GABRG3: variants seen among roughly 807,000 people sequenced by gnomAD.
GABRG3 encodes gamma-aminobutyric acid type A receptor subunit gamma3.
A neutral mutation model predicts 48.8 loss-of-function variants in GABRG3; 25 were observed. That is an observed-to-expected ratio of 0.51 (90% CI 0.37 to 0.72). The LOEUF is 0.72. Ranked by LOEUF, GABRG3 falls within the 30% of genes least tolerant of loss-of-function variation. The pLI, the probability that GABRG3 is intolerant of heterozygous loss-of-function variation, is 0.00. For missense variants in GABRG3, 394 were observed against 577.9 expected (o/e 0.68, Z 3.26); for synonymous variants, 227 against 217.6 (o/e 1.04, Z -0.38).
chr15:27,259,280 C>G (rs1204146893), intron 3 of GABRG3, among the ~76,000 whole-genome samples: 1 of 152,086 alleles, frequency 6.6e-6, no homozygotes, highest in Non-Finnish European at 1.5e-5. Flanking sequence ...GGTGACTACT[C>G]AGCCTATCAG....
chr15:27,528,994 A>C (rs75090774), intron 9 of GABRG3, among the ~76,000 whole-genome samples: 1,898 of 152,228 alleles, frequency 0.012, 54 homozygotes, highest in African/African-American at 0.044. Context: ...TCATGTGGTC[A>C]AATCTGTTAG....
intron 3 of GABRG3, among the ~76,000 whole-genome samples, chr15:27,081,459 A>C (rs1268534263): frequency 6.6e-6 from 1 of 152,140 alleles, no homozygotes; most frequent in Non-Finnish European, 1.5e-5. Flanking sequence ...ATTGAATATT[A>C]TTAAATATTC....
At chr15:27,147,321 T>G (rs547576487) in intron 3 of GABRG3, among the ~76,000 whole-genome samples, 34 of 152,080 alleles carry the variant, frequency 2.2e-4, no homozygotes, top group African/African-American at 8.2e-4. Flanking sequence ...AAGCAAAAAT[T>G]GACAGAATTG....
At chr15:27,377,809 G>A (rs75190350) in intron 5 of GABRG3, among the ~76,000 whole-genome samples, 3,446 of 152,282 alleles carry the variant, frequency 0.023, 60 homozygotes, top group East Asian at 0.079. Flanking sequence ...ACTTTGTAAA[G>A]CTTGTATATA....
At chr15:27,242,964 T>C (rs1335085368) in intron 3 of GABRG3, among the ~76,000 whole-genome samples, 1 of 152,244 alleles carries the variant, frequency 6.6e-6, no homozygotes, top group African/African-American at 2.4e-5. Flanking sequence ...TTTGTGACTA[T>C]GTTCGGATTT....
chr15:27,095,668 C>G (rs533284874), intron 3 of GABRG3, among the ~76,000 whole-genome samples: 34 of 152,226 alleles, frequency 2.2e-4, no homozygotes, highest in African/African-American at 7.7e-4. Context: ...ATCATCTGCT[C>G]CCTATTCTTT....
At chr15:27,231,470 C>G (rs1050156451) in intron 3 of GABRG3, among the ~76,000 whole-genome samples, 2 of 152,102 alleles carry the variant, frequency 1.3e-5, no homozygotes, top group Non-Finnish European at 2.9e-5. Flanking sequence ...GAGCAGGAGG[C>G]AGAAGAGGGC....
In GABRG3 at chr15:27,493,947, G is replaced by A. The variant is rs572742975; in HGVS notation, c.712+13160G>A. On this transcript the variant is annotated intron_variant, in intron 6 of 9. Coordinates refer to ENST00000615808, the MANE Select transcript of GABRG3 (RefSeq NM_033223.5). ...TTGGATGGAAGGTTTGAGGGACTAAGGCTTGGCTCTCGATTGGATTTTATC... is the reference window on the plus strand; with the variant it reads ...TTGGATGGAAGGTTTGAGGGACTAAAGCTTGGCTCTCGATTGGATTTTATC... Among the ~76,000 whole-genome samples the A allele has an allele frequency of 3.8e-4, 58 of 152,274 alleles. No homozygotes were observed. The South Asian group carries it at 9.8e-3, about 26-fold the overall frequency.
Position 27,313,196 on chromosome 15 carries a change from G to GTATA in GABRG3, c.271-13603_271-13600dup, listed in dbSNP as rs201133227. Among the ~76,000 whole-genome samples the GTATA allele has an allele frequency of 1.8e-3, 224 of 127,758 alleles. 1 individual carries two copies. Among genetic ancestry groups the GTATA allele is most frequent in the African/African-American group, 5.8e-3 (198 of 34,188 alleles). The allele number at this position is 127,758 out of a possible 152,430, so 83.8% of individuals were successfully genotyped here. A position where few individuals can be genotyped will look rare whatever the true frequency, so the allele number is the denominator to read the frequency against. On this transcript the variant is annotated intron_variant, in intron 3 of 9. Coordinates refer to ENST00000615808, the MANE Select transcript of GABRG3 (RefSeq NM_033223.5). ...AGCAGAAACATATATATATATATGT[G>GTATA]TATATATATATATGTATATGTATAT...
intron 6 of GABRG3, chr15:27,481,428 T>G: frequency 3.9e-6 from 1 of 259,030 alleles, no homozygotes; most frequent in Non-Finnish European, 6.0e-6. Context: ...GTCCACTATT[T>G]CACAACTGAT....
intron 6 of GABRG3, among the ~76,000 whole-genome samples, chr15:27,510,300 C>T (rs1237077555): frequency 6.7e-6 from 1 of 148,158 alleles, no homozygotes; most frequent in Non-Finnish European, 1.5e-5. Flanking sequence ...CCCAAGTGTT[C>T]CTGTGCCTTC....
chr15:27,393,760 G>A (rs900476415), intron 5 of GABRG3, among the ~76,000 whole-genome samples: 1 of 152,126 alleles, frequency 6.6e-6, no homozygotes, highest in East Asian at 1.9e-4. Context: ...CCTTTCTGTT[G>A]AGCATATACT....
chr15:26,974,017 T>C lies in GABRG3; in HGVS notation c.53+2429T>C, dbSNP rs1350018592. ...GGTCCCCTGAGATGAGATTTCATTTTTGTCAAAGCAAGGATTTTCCTGTGG... is the reference window on the plus strand; with the variant it reads ...GGTCCCCTGAGATGAGATTTCATTTCTGTCAAAGCAAGGATTTTCCTGTGG... On this transcript the variant is annotated intron_variant, in intron 1 of 9. Transcript: ENST00000615808. The surrounding 1 kb of genome is among the most constrained non-coding windows in gnomAD (Gnocchi z 4.3). Among the ~76,000 whole-genome samples, 2 of 152,236 alleles carry C rather than the reference T, an allele frequency of 1.3e-5. No individual in the cohort carries two copies. The highest frequency in any genetic ancestry group is 2.4e-5 in the African/African-American group (1 of 41,470).
At chr15:27,357,532 TA>T (rs1231329410) in intron 5 of GABRG3, among the ~76,000 whole-genome samples, 1 of 152,150 alleles carries the variant, frequency 6.6e-6, no homozygotes, top group Non-Finnish European at 1.5e-5. Context: ...CTAAATATAA[TA>T]AAAAGCCTAC....
intron 3 of GABRG3, chr15:27,208,309 G>A (rs1442593717): frequency 9.3e-6 from 2 of 214,174 alleles, no homozygotes; most frequent in Non-Finnish European, 2.1e-5. Flanking sequence ...CCAAGGCCTG[G>A]TCAGTGAAGT....
intron 3 of GABRG3, among the ~76,000 whole-genome samples, chr15:27,251,524 A>G (rs1356688295): frequency 6.6e-6 from 1 of 152,226 alleles, no homozygotes; most frequent in Non-Finnish European, 1.5e-5. Context: ...TACAAAGTGT[A>G]TTCTTCATAC....
rs1169926074 is a variant in GABRG3, at chr15:27,313,262, GTATATATATATA to G, written c.271-13510_271-13499del. Among the ~76,000 whole-genome samples the G allele has an allele frequency of 9.0e-3, 311 of 34,538 alleles. 9 individuals carry two copies. The highest frequency in any genetic ancestry group is 0.027 in the South Asian group (21 of 770). 22.7% of individuals were successfully genotyped at this position (34,538 alleles called of 152,430 possible). ...TATATGTGTGTGTGTGTGTGTGTGT[GTATATATATATA>G]TATATATATATATATATATATATAT... On this transcript the variant is annotated intron_variant, in intron 3 of 9. Transcript: ENST00000615808.
chr15:27,036,189 A>G (rs920270511), intron 3 of GABRG3, among the ~76,000 whole-genome samples: 1 of 152,198 alleles, frequency 6.6e-6, no homozygotes, highest in Non-Finnish European at 1.5e-5. Context: ...TTATAAAGAA[A>G]TTAAACTCCT....
chr15:27,394,873 A>G (rs1465282627), intron 5 of GABRG3, among the ~76,000 whole-genome samples: 5 of 151,998 alleles, frequency 3.3e-5, no homozygotes, highest in African/African-American at 1.2e-4. Context: ...GCTTGCTTTG[A>G]AGAGTCTCTC....
Sources: allele counts gnomAD v4.1 joint callset (sites outside exome capture counted in the v4.1 genomes callset), GRCh38; gene constraint gnomAD v4.1.1; non-coding constraint Gnocchi (gnomAD v3.1); transcripts MANE v1.5; gene names NCBI Gene and HGNC (gene_info 2026-07-23, HGNC 2026-07-21).